The following AP1S3 variants were observed in gnomAD, a reference collection of about 807,000 sequenced individuals.
AP1S3 encodes the protein AP-1 complex subunit sigma-3.
Under a neutral mutation model 20.9 loss-of-function variants are expected in AP1S3, and 10 were observed. The observed-to-expected ratio is 0.48, with a 90% CI of 0.29 to 0.81. The LOEUF is 0.81. Among genes scored for constraint, AP1S3 ranks in the 30% least tolerant of loss-of-function variants. The pLI is 0.08. For missense variants in AP1S3, 154 were observed against 183.8 expected, an observed-to-expected ratio of 0.84 and a Z score of 0.94; for synonymous variants, 41 against 61.5, an observed-to-expected ratio of 0.67 and a Z score of 1.56.
chr2:223,799,989 C>T (rs533323196), intron 1 of AP1S3, among the ~76,000 whole-genome samples: 3 of 151,952 alleles, frequency 2.0e-5, no homozygotes, highest in East Asian at 1.9e-4. Context: ...GCAAGGAGGG[C>T]GGATCACTTG....
Position 223,756,617 on chromosome 2 carries a change from T to G in AP1S3, c.*2098A>C. The G allele has an allele frequency of 1.0e-6, 1 of 985,332 alleles. No individual in the cohort carries two copies. 61.0% of individuals were successfully genotyped at this position (985,332 alleles called of 1,614,324 possible). A position where few individuals can be genotyped will look rare whatever the true frequency, so the allele number is the denominator to read the frequency against. On this transcript the variant is annotated 3_prime_UTR_variant, in exon 5 of 5. Coordinates refer to ENST00000396654, the MANE Select transcript of AP1S3 (RefSeq NM_001039569.2). ...CCATAATTGTAATTACATGGTAACC[T>G]GAAGAAATATTGGATAGTAAAAGCC... is the stretch of plus-strand genomic sequence containing the variant.
At chr2:223,788,837 C>A (rs1024864039) in intron 1 of AP1S3, among the ~76,000 whole-genome samples, 1 of 151,518 alleles carries the variant, frequency 6.6e-6, no homozygotes, top group Non-Finnish European at 1.5e-5. Flanking sequence ...GGATCCTAAA[C>A]CTAATTCAGA....
In AP1S3 at chr2:223,755,782, G is replaced by A. The variant is rs1051153076; in HGVS notation, c.*2933C>T. The A allele has an allele frequency of 5.3e-6, 5 of 950,792 alleles. No homozygotes were observed. In the African/African-American group the frequency reaches 8.8e-5, roughly 17 times the overall value. 58.9% of individuals were successfully genotyped at this position (950,792 alleles called of 1,614,324 possible). On this transcript the variant is annotated 3_prime_UTR_variant, in exon 5 of 5. Transcript: ENST00000396654. ...CTGACCTCAGGTGATCTGCCGCCTT[G>A]ACCTCCCAAAGTGCTGGGATTACAG...
intron 1 of AP1S3, among the ~76,000 whole-genome samples, chr2:223,814,670 A>G (rs1446410584): frequency 6.6e-6 from 1 of 152,264 alleles, no homozygotes; most frequent in Non-Finnish European, 1.5e-5. Flanking sequence ...ACTTAGTTAC[A>G]CTTCAATCAA....
intron 1 of AP1S3, among the ~76,000 whole-genome samples, chr2:223,829,109 C>T (rs541793153): frequency 6.6e-6 from 1 of 152,142 alleles, no homozygotes; most frequent in African/African-American, 2.4e-5. Context: ...GCTGGGATTA[C>T]AGGCATGAGC....
intron 1 of AP1S3, among the ~76,000 whole-genome samples, chr2:223,822,285 G>A (rs1049391454): frequency 6.6e-6 from 1 of 151,730 alleles, no homozygotes; most frequent in Non-Finnish European, 1.5e-5. Context: ...CCAGCTACTC[G>A]GGAGGCTGAG....
At chr2:223,766,294 ATTTG>A (rs1690477825) in intron 3 of AP1S3, among the ~76,000 whole-genome samples, 1 of 151,904 alleles carries the variant, frequency 6.6e-6, no homozygotes, top group African/African-American at 2.4e-5. Flanking sequence ...TTTCTTGTAC[ATTTG>A]TTTAAGTTCT....
chr2:223,788,082 G>A (rs1407387381), intron 1 of AP1S3, among the ~76,000 whole-genome samples: 1 of 151,818 alleles, frequency 6.6e-6, no homozygotes, highest in Non-Finnish European at 1.5e-5. Context: ...GAGTAGCTGG[G>A]ATTATAGACA....
At chr2:223,828,295 C>CT (rs775000674) in intron 1 of AP1S3, among the ~76,000 whole-genome samples, 18,619 of 131,274 alleles carry the variant, frequency 0.14, 2,224 homozygotes, top group East Asian at 0.4. Context: ...TCCTCTCTCT[C>CT]TTTTTTTTTT....
chr2:223,809,885 C>G (rs28599833), intron 1 of AP1S3, among the ~76,000 whole-genome samples: 1 of 151,272 alleles, frequency 6.6e-6, no homozygotes, highest in Non-Finnish European at 1.5e-5. Context: ...CACGCCACCA[C>G]GCCCAGCTAA....
chr2:223,796,299 C>A (rs751240320), intron 1 of AP1S3, among the ~76,000 whole-genome samples: 13 of 152,216 alleles, frequency 8.5e-5, no homozygotes, highest in Non-Finnish European at 1.8e-4. Flanking sequence ...CCCATTACTA[C>A]CCCATTATTT....
intron 1 of AP1S3, among the ~76,000 whole-genome samples, chr2:223,824,678 C>T (rs1336086699): frequency 6.6e-6 from 1 of 152,088 alleles, no homozygotes; most frequent in Non-Finnish European, 1.5e-5. Flanking sequence ...GCTGGGATTA[C>T]AGGCGCCTGC....
chr2:223,771,401 A>G (rs1356271356), intron 3 of AP1S3, among the ~76,000 whole-genome samples: 2 of 152,220 alleles, frequency 1.3e-5, no homozygotes, highest in Non-Finnish European at 2.9e-5. Context: ...GTCCCAATAC[A>G]ACAAAAATAT....
intron 1 of AP1S3, among the ~76,000 whole-genome samples, chr2:223,832,090 T>A (rs4674825): frequency 2.1e-4 from 8 of 37,342 alleles, no homozygotes; most frequent in South Asian, 1.0e-3. Context: ...AAAAAAAAAA[T>A]CAAAAAAAGG....
At chr2:223,789,069 A>C (rs1055444494) in intron 1 of AP1S3, among the ~76,000 whole-genome samples, 27 of 152,242 alleles carry the variant, frequency 1.8e-4, no homozygotes, top group African/African-American at 6.3e-4. Flanking sequence ...AACTATGAGT[A>C]GAGGACAAGA....
chr2:223,811,388 C>T (rs1691722679), intron 1 of AP1S3, among the ~76,000 whole-genome samples: 1 of 151,796 alleles, frequency 6.6e-6, no homozygotes, highest in Non-Finnish European at 1.5e-5. Flanking sequence ...GCCAACATGG[C>T]AAAACCCCTT....
At chr2:223,779,600 T>A (rs759422323) in intron 1 of AP1S3, among the ~76,000 whole-genome samples, 1 of 152,128 alleles carries the variant, frequency 6.6e-6, no homozygotes, top group Non-Finnish European at 1.5e-5. Context: ...TTGTTTCAGT[T>A]GTGTCATGAA....
chr2:223,793,555 G>C (rs912613821), intron 1 of AP1S3, among the ~76,000 whole-genome samples: 1 of 152,058 alleles, frequency 6.6e-6, no homozygotes, highest in South Asian at 2.1e-4. Context: ...GGGAACAGTG[G>C]GGAGTGGAGG....
intron 1 of AP1S3, among the ~76,000 whole-genome samples, chr2:223,790,344 A>G (rs890476126): frequency 6.6e-6 from 1 of 150,688 alleles, no homozygotes; most frequent in African/African-American, 2.4e-5. Flanking sequence ...CAATTCTCCT[A>G]CCTCAGCCTC....
Sources: gnomAD v4.1 joint callset for allele counts (sites outside exome capture counted in the v4.1 genomes callset) on GRCh38, gnomAD v4.1.1 for gene constraint, MANE v1.5 for transcripts, NCBI Gene and HGNC (gene_info 2026-07-23, HGNC 2026-07-21) for gene names.